CDH18: variants seen among roughly 807,000 people sequenced by gnomAD.
The protein encoded by CDH18 is cadherin-18.
A neutral mutation model predicts 67.9 loss-of-function variants in CDH18; 31 were observed. That is an observed-to-expected ratio of 0.46 (90% CI 0.34 to 0.62). CDH18 has a LOEUF of 0.62. CDH18 is among the 20% of genes least tolerant of loss of function. The probability of loss-of-function intolerance (pLI) is 0.01; values close to 1 mark genes in which losing one functional copy is unlikely to be tolerated. For missense variants in CDH18, 890 were observed against 975.5 expected (o/e 0.91, Z 1.17); for synonymous variants, 362 against 347.2 (o/e 1.04, Z -0.48).
chr5:20,249,841 G>A lies in CDH18; in HGVS notation c.-518+5603C>T, dbSNP rs142476442. ...TTTTGATGAAATATTTACTGTTATCGGTTATAAATGAGAAGAAGAGTGTGA... is the reference window on the plus strand; with the variant it reads ...TTTTGATGAAATATTTACTGTTATCAGTTATAAATGAGAAGAAGAGTGTGA... On this transcript the variant is annotated intron_variant, in intron 2 of 14. Transcript: ENST00000507958. Among the ~76,000 whole-genome samples, 7 of 152,128 alleles carry A rather than the reference G, an allele frequency of 4.6e-5. No homozygotes were observed. The East Asian group carries it at 1.4e-3, about 29-fold the overall frequency.
chr5:20,224,823 T>C (rs949444967), intron 2 of CDH18, among the ~76,000 whole-genome samples: 7 of 152,144 alleles, frequency 4.6e-5, no homozygotes, highest in African/African-American at 9.7e-5. Flanking sequence ...ATTCAGCATA[T>C]ACCAGAAAAT....
At chr5:19,750,853 C>A (rs1581187890) in intron 3 of CDH18, among the ~76,000 whole-genome samples, 1 of 148,418 alleles carries the variant, frequency 6.7e-6, no homozygotes. Context: ...ACTCTTAGAG[C>A]CATGGGATTT....
chr5:19,970,263 A>G (rs1234037489), intron 2 of CDH18, among the ~76,000 whole-genome samples: 3 of 151,478 alleles, frequency 2.0e-5, no homozygotes, highest in East Asian at 1.9e-4. Flanking sequence ...AAATATCACA[A>G]GAATATAAAC....
At chr5:19,580,184 T>C (rs541649270) in intron 7 of CDH18, among the ~76,000 whole-genome samples, 127 of 152,008 alleles carry the variant, frequency 8.4e-4, no homozygotes, top group Non-Finnish European at 1.6e-3. Flanking sequence ...TGAAGGACAA[T>C]ATGGGTGGAT....
chr5:20,179,323 A>C (rs1737496080), intron 2 of CDH18, among the ~76,000 whole-genome samples: 1 of 152,148 alleles, frequency 6.6e-6, no homozygotes, highest in African/African-American at 2.4e-5. Context: ...AACTTCTTCA[A>C]ACTTACCTGA....
At chr5:19,871,598 C>A (rs928293753) in intron 2 of CDH18, among the ~76,000 whole-genome samples, 18 of 152,050 alleles carry the variant, frequency 1.2e-4, no homozygotes, top group African/African-American at 4.1e-4. Context: ...ATATGAAAAG[C>A]TATTTTGGGT....
intron 5 of CDH18, among the ~76,000 whole-genome samples, chr5:19,613,349 T>C (rs1287233592): frequency 6.6e-6 from 1 of 152,134 alleles, no homozygotes; most frequent in East Asian, 1.9e-4. Context: ...TGTTTAATGA[T>C]GGAAAACATT....
chr5:20,336,724 CAAAAAAAAAAAAAAAA>C (rs59083214), intron 1 of CDH18, among the ~76,000 whole-genome samples: 6 of 63,480 alleles, frequency 9.5e-5, no homozygotes, highest in African/African-American at 2.8e-4. Context: ...GCCTCTGTCT[CAAAAAAAAAAAAAAAA>C]AAAAAAAAAA....
intron 2 of CDH18, among the ~76,000 whole-genome samples, chr5:20,088,154 C>T (rs1898159): frequency 0.44 from 66,355 of 151,976 alleles, 15,404 homozygotes; most frequent in Middle Eastern, 0.69. Context: ...ATTCCACCAC[C>T]ATTGCTATTC....
intron 1 of CDH18, among the ~76,000 whole-genome samples, chr5:20,446,012 G>C (rs149071341): frequency 6.6e-6 from 1 of 152,136 alleles, no homozygotes; most frequent in African/African-American, 2.4e-5. Flanking sequence ...GATGTTATTT[G>C]ATTGAAGTTT....
At chr5:19,791,319 T>A (rs904014838) in intron 3 of CDH18, among the ~76,000 whole-genome samples, 2 of 147,762 alleles carry the variant, frequency 1.4e-5, no homozygotes, top group African/African-American at 5.0e-5. Flanking sequence ...TGTGGGCTCC[T>A]AGGAAACCTA....
At chr5:20,493,636 C>T (rs1229412249) in intron 1 of CDH18, among the ~76,000 whole-genome samples, 1 of 152,088 alleles carries the variant, frequency 6.6e-6, no homozygotes, top group Non-Finnish European at 1.5e-5. Flanking sequence ...GGGCAGCTAA[C>T]AGAACTGGGC....
At chr5:19,958,111 C>G (rs765792466) in intron 2 of CDH18, among the ~76,000 whole-genome samples, 22 of 151,374 alleles carry the variant, frequency 1.5e-4, no homozygotes, top group Non-Finnish European at 2.7e-4. Context: ...TCCAAGGGAT[C>G]TCTCTCATTG....
At chr5:20,092,027 T>G (rs964718429) in intron 2 of CDH18, among the ~76,000 whole-genome samples, 1 of 152,184 alleles carries the variant, frequency 6.6e-6, no homozygotes, top group African/African-American at 2.4e-5. Flanking sequence ...TGACTCTTCC[T>G]GTTTTCTTAC....
At chr5:20,433,257 A>ATG (rs552698994) in intron 1 of CDH18, among the ~76,000 whole-genome samples, 35 of 150,918 alleles carry the variant, frequency 2.3e-4, no homozygotes, top group African/African-American at 5.8e-4. Context: ...CACATAATAT[A>ATG]TGTGTGTGTG....
intron 1 of CDH18, among the ~76,000 whole-genome samples, chr5:20,573,933 T>C (rs1475505887): frequency 2.1e-5 from 3 of 141,776 alleles, no homozygotes; most frequent in South Asian, 2.1e-4. Context: ...GAAATATATA[T>C]ATATTTCTTT....
chr5:19,542,614 T>C (rs1750450870), intron 9 of CDH18, among the ~76,000 whole-genome samples: 3 of 152,202 alleles, frequency 2.0e-5, no homozygotes, highest in Admixed American at 2.0e-4. Flanking sequence ...TACTATAATA[T>C]GCATACACAT....
rs75707708 is a variant in CDH18, at chr5:20,157,478, G to A, written c.-518+97966C>T. ...ATTTTTTATTTGTATAGATTTATGG[G>A]GTACATGAGAAATGTTATTGTGCAT... On this transcript the variant is annotated intron_variant, in intron 2 of 14. Coordinates refer to the CDH18 transcript ENST00000507958. Among the ~76,000 whole-genome samples the A allele has an allele frequency of 5.8e-3, 876 of 151,822 alleles. 9 individuals carry two copies. The highest frequency in any genetic ancestry group is 0.02 in the African/African-American group (840 of 41,422).
chr5:20,327,529 A>T (rs1738715813), intron 1 of CDH18, among the ~76,000 whole-genome samples: 1 of 151,928 alleles, frequency 6.6e-6, no homozygotes, highest in Non-Finnish European at 1.5e-5. Flanking sequence ...GCCCGTTTGG[A>T]AAAAGCACAG....
Sources: gnomAD v4.1 joint callset for allele counts (sites outside exome capture counted in the v4.1 genomes callset) on GRCh38, gnomAD v4.1.1 for gene constraint, MANE v1.5 for transcripts, NCBI Gene and HGNC (gene_info 2026-07-23, HGNC 2026-07-21) for gene names.